PLD3: variants seen among roughly 807,000 people sequenced by gnomAD.
The protein encoded by PLD3 is 5'-3' exonuclease PLD3.
A neutral mutation model predicts 58.4 loss-of-function variants in PLD3; 31 were observed. The observed-to-expected ratio is 0.53, with a 90% confidence interval of 0.40 to 0.72. The LOEUF is 0.72. Ranked by LOEUF, PLD3 falls within the 30% of genes least tolerant of loss-of-function variation. PLD3 has a pLI of 0.00. For missense variants in PLD3, 595 were observed against 659.8 expected (o/e 0.90, Z 1.08); for synonymous variants, 264 against 273.4 (o/e 0.97, Z 0.34).
Position 40,378,107 on chromosome 19 carries a change from C to G in PLD3, c.1407C>G (p.Asp469Glu), listed in dbSNP as rs978704430. ...AGGCCATTTTCCTGAGGGACTGGGACTCCCCTTACAGCCATGACCTTGACA... is the reference window on the plus strand; with the variant it reads ...AGGCCATTTTCCTGAGGGACTGGGAGTCCCCTTACAGCCATGACCTTGACA... Reference protein sequence around the residue: ...QLEAIFLRDWDSPYSHDLDTS... With the variant: ...QLEAIFLRDWESPYSHDLDTS... The change falls in exon 13 of 13, where the codon GAC becomes GAG. Residue 469 changes from aspartate to glutamate, a missense_variant. By Grantham distance (45) the Asp-to-Glu change is conservative. Coordinates refer to ENST00000409735, the MANE Select transcript of PLD3 (RefSeq NM_012268.4). 6.2e-7 allele frequency: 1 copy of G among 1,613,908 alleles called. No homozygotes were observed. The highest frequency in any genetic ancestry group is 1.3e-5 in the African/African-American group (1 of 74,924).
rs572483436 is a variant in PLD3, at chr19:40,364,509, C to T, written c.-278-1209C>T. Among the ~76,000 whole-genome samples, 6 of 145,894 alleles carry T rather than the reference C, an allele frequency of 4.1e-5. No individual in the cohort carries two copies. The East Asian group carries it at 6.4e-4, about 16-fold the overall frequency. Reference sequence around the variant, plus strand: ...AAATTAAAAAAAAAAAAATTAGCTGCGGCTGGGCGCGGTGGCTCATGCCTG... The same window carrying T: ...AAATTAAAAAAAAAAAAATTAGCTGTGGCTGGGCGCGGTGGCTCATGCCTG... On this transcript the variant is annotated intron_variant, in intron 1 of 12. Coordinates refer to ENST00000409735, the MANE Select transcript of PLD3 (RefSeq NM_012268.4).
intron 1 of PLD3, among the ~76,000 whole-genome samples, chr19:40,363,221 C>T (rs1466676680): frequency 6.6e-6 from 1 of 152,186 alleles, no homozygotes; most frequent in Non-Finnish European, 1.5e-5. Flanking sequence ...GTTCCAACTC[C>T]ATATTCTTCA....
intron 3 of PLD3, 25 bp from the exon 4 acceptor site, chr19:40,366,585 C>A: frequency 6.3e-7 from 1 of 1,581,072 alleles, no homozygotes; most frequent in South Asian, 1.2e-5. Context: ...CCACCTGTCA[C>A]CCCCGTTGTT....
intron 1 of PLD3, among the ~76,000 whole-genome samples, chr19:40,354,304 C>A (rs1329513311): frequency 6.6e-6 from 1 of 151,834 alleles, no homozygotes; most frequent in East Asian, 2.0e-4. Context: ...AAACTCCTGA[C>A]CTCGTGATCT....
rs780604999 is a variant in PLD3, at chr19:40,370,002, C to G, written c.524C>G (p.Ala175Gly). 2 of 1,560,408 alleles carry G rather than the reference C, an allele frequency of 1.3e-6. No homozygotes were observed. The highest frequency in any genetic ancestry group is 3.9e-5 in the Admixed American group (2 of 51,806). ...VSKPSGPQPQ[A>G]DLQALLQSGA... ...AAGCCCAGCGGGCCCCAGCCACAGG[C>G]GGACCTGCAGGCTCTGCTGCAGAGC... The change falls in exon 7 of 13, where the codon GCG (alanine) becomes GGG (glycine). Residue 175 changes from alanine to glycine, a missense_variant. By Grantham distance (60) the Ala-to-Gly change is moderately conservative (BLOSUM62 0). Coordinates refer to ENST00000409735, the MANE Select transcript of PLD3 (RefSeq NM_012268.4).
rs748828564 is a variant in PLD3 at position 40,370,071 on chromosome 19, C to T, written c.551-39C>T. 9 of 1,582,286 alleles carry T rather than the reference C, an allele frequency of 5.7e-6. No individual in the cohort carries two copies. The Middle Eastern group carries it at 1.5e-3, about 265-fold the overall frequency. The stretch of plus-strand genomic sequence containing the variant: ...TGGGGCTGGTCTGGGCCTGGGGGTA[C>T]CCAGCCTGGCCCCTGATCTCTGCCC... On this transcript the variant is annotated intron_variant, in intron 7 of 12. Transcript: ENST00000409735.
At chr19:40,374,128 G>A (rs2079134029) in intron 9 of PLD3, among the ~76,000 whole-genome samples, 1 of 152,070 alleles carries the variant, frequency 6.6e-6, no homozygotes, top group Admixed American at 6.6e-5. Flanking sequence ...CATGTGCAGT[G>A]AGGCCCAGGA....
intron 1 of PLD3, chr19:40,358,890 G>C (rs2078714322): frequency 1.3e-5 from 2 of 152,154 alleles, no homozygotes; most frequent in African/African-American, 4.8e-5. Context: ...AGGGATCTGT[G>C]ACCCAGTGGG....
In PLD3 at chr19:40,348,744, T is replaced by C; in HGVS notation, c.-303T>C. On this transcript the variant is annotated 5_prime_UTR_variant, in exon 1 of 13. Coordinates refer to ENST00000409735, the MANE Select transcript of PLD3 (RefSeq NM_012268.4). Reference sequence around the variant, plus strand: ...TGGAAGGTGCGTGTGGGGCTGGGTCTCGGAGTGGGAGACGTGGAGTGCAGG... The same window carrying C: ...TGGAAGGTGCGTGTGGGGCTGGGTCCCGGAGTGGGAGACGTGGAGTGCAGG... 2.1e-6 allele frequency: 1 copy of C among 470,412 alleles called. No homozygotes were observed. Among genetic ancestry groups the C allele is most frequent in the Non-Finnish European group, 3.7e-6 (1 of 273,950 alleles). 29.1% of individuals were successfully genotyped at this position (470,412 alleles called of 1,614,324 possible).
chr19:40,367,858 G>T lies in PLD3; in HGVS notation c.408G>T (p.Thr136=). 12 of 1,558,558 alleles carry T rather than the reference G, an allele frequency of 7.7e-6. No homozygotes were observed. The highest frequency in any genetic ancestry group is 9.5e-6 in the Non-Finnish European group (11 of 1,154,316). ...CCCTCACCAACAATGACACCCACAC[G>T]CAGGAGCCCTCTGCCCAGCAGGTAC... is the stretch of plus-strand genomic sequence containing the variant. The part of the protein sequence containing the change: ...YWTLTNNDTH[T]QEPSAQQGEE... Residue 136 remains threonine (T), a synonymous_variant, in exon 6 of 13, where the codon ACG becomes ACT. Coordinates refer to ENST00000409735, the MANE Select transcript of PLD3 (RefSeq NM_012268.4).
At chr19:40,377,956 T>C in intron 12 of PLD3, 30 bp from the exon 13 acceptor site, 1 of 1,612,022 alleles carries the variant, frequency 6.2e-7, no homozygotes, top group South Asian at 1.1e-5. Context: ...CCCCCGAGGG[T>C]GCCCTTATGC....
At chr19:40,374,805 A>G in intron 10 of PLD3, 185 bp downstream of exon 10, 1 of 614,690 alleles carries the variant, frequency 1.6e-6, no homozygotes, top group Admixed American at 2.9e-5. Flanking sequence ...CAGGAGAAAG[A>G]GAGATTACAG....
At chr19:40,376,516 G>A (rs1266657032) in intron 10 of PLD3, 93 bp from the exon 11 acceptor site, 20 of 1,260,476 alleles carry the variant, frequency 1.6e-5, no homozygotes, top group Non-Finnish European at 2.1e-5. Flanking sequence ...AGCTAAAGCA[G>A]GGCCCAGGCT....
chr19:40,366,325 A>T (rs1303159699), intron 2 of PLD3, 94 bp from the exon 3 acceptor site: 2 of 704,916 alleles, frequency 2.8e-6, no homozygotes, highest in Non-Finnish European at 5.2e-6. Context: ...GGCCCCCATG[A>T]TTATGAATAG....
At chr19:40,366,220 G>A in intron 2 of PLD3, 199 bp from the exon 3 acceptor site, 1 of 570,834 alleles carries the variant, frequency 1.8e-6, no homozygotes, top group Admixed American at 3.0e-5. Flanking sequence ...GCAGAGTGAA[G>A]AGCAGGCAGC....
At position 40,366,886 on chromosome 19, in the gene PLD3, G is replaced by A; in HGVS notation, c.216G>A (p.Gln72=). 1 of 1,612,692 alleles carries A rather than the reference G, an allele frequency of 6.2e-7. No individual in the cohort carries two copies. The highest frequency in any genetic ancestry group is 8.5e-7 in the Non-Finnish European group (1 of 1,179,244). Residue 72 remains glutamine (Q), a synonymous_variant, in exon 5 of 13, where the codon CAG becomes CAA. Transcript: ENST00000409735. ...YGDLHLFGPN[Q]RPAPCYDPCE... Reference sequence around the variant, plus strand: ...ACTTGCATCTCTTTGGGCCCAACCAGCGCCCAGCCCCCTGCTATGACCCTT... The same window carrying A: ...ACTTGCATCTCTTTGGGCCCAACCAACGCCCAGCCCCCTGCTATGACCCTT...
In PLD3 at chr19:40,378,375, T is replaced by C. The variant is rs2079299346; in HGVS notation, c.*202T>C. 1 of 676,892 alleles carries C rather than the reference T, an allele frequency of 1.5e-6. No homozygotes were observed. The highest frequency in any genetic ancestry group is 1.8e-5 in the African/African-American group (1 of 55,808). The allele number at this position is 676,892 out of a possible 1,614,324, so 41.9% of individuals were successfully genotyped here. ...GGACCCAGCAGAGCTGGGGGAGGGA[T>C]CAGCCCCCAAAGAAATGGGGGTGCA... is the stretch of plus-strand genomic sequence containing the variant. On this transcript the variant is annotated 3_prime_UTR_variant, in exon 13 of 13. Coordinates refer to ENST00000409735, the MANE Select transcript of PLD3 (RefSeq NM_012268.4).
At chr19:40,376,506 A>G in intron 10 of PLD3, 103 bp from the exon 11 acceptor site, 1 of 1,135,356 alleles carries the variant, frequency 8.8e-7, no homozygotes, top group East Asian at 2.4e-5. Flanking sequence ...TCCTCTCAAT[A>G]GCTAAAGCAG....
chr19:40,367,495 C>T (rs1236900025), intron 5 of PLD3: 9 of 500,960 alleles, frequency 1.8e-5, no homozygotes, highest in Non-Finnish European at 3.2e-5. Flanking sequence ...GCGGGAGGAT[C>T]GCTTGAGCCC....
Sources: gnomAD v4.1 joint callset for allele counts (sites outside exome capture counted in the v4.1 genomes callset) on GRCh38, gnomAD v4.1.1 for gene constraint, MANE v1.5 for transcripts, NCBI Gene and HGNC (gene_info 2026-07-23, HGNC 2026-07-21) for gene names.